The following GLIS3 variants were observed in gnomAD, a reference collection of about 807,000 sequenced individuals.
GLIS3 encodes the protein zinc finger protein GLIS3.
In GLIS3, 53 loss-of-function variants were observed where a neutral mutation model predicts 78.6. That is an observed-to-expected ratio of 0.67 (90% CI 0.54 to 0.85). GLIS3 has a LOEUF of 0.85. Among genes scored for constraint, GLIS3 ranks in the 40% least tolerant of loss-of-function variants. The pLI, the probability that GLIS3 is intolerant of heterozygous loss-of-function variation, is 0.00. For synonymous variants in GLIS3, 684 were observed against 509.9 expected, an observed-to-expected ratio of 1.34 and a Z score of -4.60; for missense variants, 1,703 against 1,231.1, an observed-to-expected ratio of 1.38 and a Z score of -5.74.
chr9:3,909,917 G>A (rs1228763254), intron 6 of GLIS3, among the ~76,000 whole-genome samples: 1 of 152,110 alleles, frequency 6.6e-6, no homozygotes, highest in Non-Finnish European at 1.5e-5. Flanking sequence ...TGCAACTGAG[G>A]AACTTTTAAT....
chr9:4,415,784 A>T, the GLIS3 span, among the ~76,000 whole-genome samples: 23 of 129,854 alleles, frequency 1.8e-4, 2 homozygotes, highest in South Asian at 4.9e-3. Flanking sequence ...CATATTTTTT[A>T]AAAAATTTTA....
intron 2 of GLIS3, among the ~76,000 whole-genome samples, chr9:4,280,757 C>T (rs1827473072): frequency 6.6e-6 from 1 of 151,886 alleles, no homozygotes; most frequent in Non-Finnish European, 1.5e-5. Context: ...CCTCACTCTT[C>T]TCAGAAGGCA....
intron 4 of GLIS3, among the ~76,000 whole-genome samples, chr9:4,093,290 T>C (rs189803315): frequency 6.7e-6 from 1 of 150,234 alleles, no homozygotes; most frequent in Non-Finnish European, 1.5e-5. Flanking sequence ...ATATAATGAA[T>C]GAATGTTCCT....
At chr9:3,971,394 G>T (rs1401008180) in intron 4 of GLIS3, among the ~76,000 whole-genome samples, 1 of 152,132 alleles carries the variant, frequency 6.6e-6, no homozygotes, top group Non-Finnish European at 1.5e-5. Flanking sequence ...AAAAGAAAAA[G>T]TCATTATCTG....
chr9:4,279,308 A>ATAT (rs1201775223), intron 2 of GLIS3, among the ~76,000 whole-genome samples: 4 of 82,868 alleles, frequency 4.8e-5, no homozygotes, highest in African/African-American at 2.9e-4. Context: ...AAAAAAAAAA[A>ATAT]AAAAAAATAT....
At chr9:4,075,971 C>A (rs142038631) in intron 4 of GLIS3, among the ~76,000 whole-genome samples, 2 of 152,110 alleles carry the variant, frequency 1.3e-5, no homozygotes, top group Non-Finnish European at 2.9e-5. Flanking sequence ...GAAGGATTGA[C>A]TGCAAAGGAA....
chr9:4,104,109 G>C (rs1830578979), intron 4 of GLIS3, among the ~76,000 whole-genome samples: 1 of 152,110 alleles, frequency 6.6e-6, no homozygotes, highest in African/African-American at 2.4e-5. Flanking sequence ...CATAATTTTA[G>C]ATGTTACCTA....
At chr9:4,418,031 C>G in the GLIS3 span, among the ~76,000 whole-genome samples, 128 of 152,292 alleles carry the variant, frequency 8.4e-4, no homozygotes, top group African/African-American at 3.0e-3. Context: ...GCTAACACCT[C>G]CAGTCATTGT....
intron 2 of GLIS3, among the ~76,000 whole-genome samples, chr9:4,129,649 T>C (rs1320382606): frequency 6.6e-6 from 1 of 152,218 alleles, no homozygotes; most frequent in Non-Finnish European, 1.5e-5. Context: ...GAAGCTTCTA[T>C]GCTTCCTGTT....
At chr9:4,172,309 C>T (rs755400326) in intron 2 of GLIS3, among the ~76,000 whole-genome samples, 15 of 152,142 alleles carry the variant, frequency 9.9e-5, no homozygotes, top group African/African-American at 2.9e-4. Flanking sequence ...CAACTCCATT[C>T]CTAAAGGGAA....
At chr9:4,329,466 C>A (rs1370117877) in intron 2 of GLIS3, among the ~76,000 whole-genome samples, 1 of 152,120 alleles carries the variant, frequency 6.6e-6, no homozygotes, top group Non-Finnish European at 1.5e-5. Context: ...TTCATTTGTC[C>A]TGGAACTAGG....
chr9:4,290,110 T>G (rs1255766455), intron 1 of GLIS3, among the ~76,000 whole-genome samples: 1 of 152,172 alleles, frequency 6.6e-6, no homozygotes, highest in African/African-American at 2.4e-5. Flanking sequence ...AATGCCTATT[T>G]ACAGCTAAAG....
chr9:3,920,461 T>G (rs750450578), intron 6 of GLIS3, among the ~76,000 whole-genome samples: 1 of 152,114 alleles, frequency 6.6e-6, no homozygotes, highest in Non-Finnish European at 1.5e-5. Context: ...TTAATGAGGA[T>G]AGAGACGGGA....
At position 4,069,158 on chromosome 9, in the gene GLIS3, C is replaced by A. The variant is rs140822080; in HGVS notation, c.1710+48610G>T. On this transcript the variant is annotated intron_variant, in intron 4 of 10. Coordinates refer to ENST00000381971, the MANE Select transcript of GLIS3 (RefSeq NM_001042413.2). ...AAATGCCCTGTTGAATATGTAGGAA[C>A]CTGCCGAGCAGAGGAGATTTCTAAG... Among the ~76,000 whole-genome samples, 616 of 152,250 alleles carry A rather than the reference C, an allele frequency of 4.0e-3. 4 individuals carry two copies. Among genetic ancestry groups the A allele is most frequent in the African/African-American group, 0.014 (584 of 41,540 alleles).
intron 2 of GLIS3, among the ~76,000 whole-genome samples, chr9:4,255,745 T>C (rs1824869775): frequency 6.6e-6 from 1 of 152,068 alleles, no homozygotes; most frequent in African/African-American, 2.4e-5. Flanking sequence ...CAGAGGATTT[T>C]TAGGGCAGTG....
chr9:4,092,496 T>A lies in GLIS3; in HGVS notation c.1710+25272A>T, dbSNP rs1178243211. Among the ~76,000 whole-genome samples the A allele has an allele frequency of 3.3e-5, 5 of 152,198 alleles. No homozygotes were observed. In the East Asian group the frequency reaches 7.7e-4, roughly 23 times the overall value. On this transcript the variant is annotated intron_variant, in intron 4 of 10. Coordinates refer to ENST00000381971, the MANE Select transcript of GLIS3 (RefSeq NM_001042413.2). ...CACTGTACAGCTGCACCACAATATT[T>A]CCTTTCTTTATTTCCTTATTGCATA...
At chr9:4,194,448 A>G (rs182677672) in intron 2 of GLIS3, among the ~76,000 whole-genome samples, 2 of 152,352 alleles carry the variant, frequency 1.3e-5, no homozygotes, top group African/African-American at 4.8e-5. Context: ...CATAAATGTC[A>G]TAAATTATTT....
the GLIS3 span, among the ~76,000 whole-genome samples, chr9:4,460,733 T>A: frequency 6.6e-6 from 1 of 152,174 alleles, no homozygotes; most frequent in Non-Finnish European, 1.5e-5. Context: ...ATAAAGGAGT[T>A]CTCTTTCCTT....
At chr9:4,387,836 TAA>T in the GLIS3 span, among the ~76,000 whole-genome samples, 3 of 152,220 alleles carry the variant, frequency 2.0e-5, no homozygotes, top group Non-Finnish European at 2.9e-5. Context: ...CAAGAGAATT[TAA>T]AAGTCTGTTG....
Sources: allele counts gnomAD v4.1 joint callset (sites outside exome capture counted in the v4.1 genomes callset), GRCh38; gene constraint gnomAD v4.1.1; transcripts MANE v1.5; gene names NCBI Gene and HGNC (gene_info 2026-07-23, HGNC 2026-07-21).